Variants in BCAN observed in about 807,000 individuals in gnomAD.
BCAN encodes the protein brevican, also known as brevican core protein.
Under a neutral mutation model 92.4 loss-of-function variants are expected in BCAN, and 51 were observed. The ratio of observed to expected loss-of-function variants is 0.55; its 90% CI spans 0.44 to 0.70. The LOEUF (loss-of-function observed/expected upper bound fraction) is 0.70. Ranked by LOEUF, BCAN falls within the 30% of genes least tolerant of loss-of-function variation. BCAN has a pLI of 0.00. For synonymous variants in BCAN, 501 were observed against 505.2 expected, an observed-to-expected ratio of 0.99 and a Z score of 0.11; for missense variants, 1,140 against 1,212.1, an observed-to-expected ratio of 0.94 and a Z score of 0.88.
chr1:156,652,207 A>G (rs917386160), intron 7 of BCAN, 41 bp from the exon 8 acceptor site: 3 of 1,540,440 alleles, frequency 1.9e-6, no homozygotes, highest in Non-Finnish European at 2.6e-6. Flanking sequence ...GTCCTTGGAC[A>G]GACGCTGTCC....
Position 156,647,956 on chromosome 1 carries a change from C to T in BCAN, c.642-27C>T, listed in dbSNP as rs1411378767. 1 of 1,611,962 alleles carries T rather than the reference C, an allele frequency of 6.2e-7. No homozygotes were observed. The highest frequency in any genetic ancestry group is 1.7e-5 in the Admixed American group (1 of 59,960). ...TGGCTCCCTGGTGAAAGCATCTGTA[C>T]TAAGTGATTCTGTCCTTCCTCCCTA... On this transcript the variant is annotated intron_variant, in intron 4 of 13. Transcript: ENST00000329117. This position sits in a 1 kb window ranked among gnomAD's most constrained non-coding sequence, Gnocchi z 4.8.
intron 8 of BCAN, 183 bp downstream of exon 8, chr1:156,653,075 T>A: frequency 2.0e-5 from 30 of 1,472,030 alleles, no homozygotes; most frequent in Non-Finnish European, 2.6e-5. Context: ...ACCTTGTGGG[T>A]ATCTCAGCTC....
Position 156,648,665 on chromosome 1 carries a change from A to G in BCAN, c.867A>G (p.Gln289=). The change falls in exon 6 of 14, where the codon CAA becomes CAG. Residue 289 remains glutamine, a synonymous_variant. Transcript: ENST00000329117. ...ERGAEIATTG[Q]LYAAWDGGLD... ...GTGCAGAGATTGCCACCACGGGCCA[A>G]CTGTATGCAGCCTGGGATGGTGGCC... is the stretch of plus-strand genomic sequence containing the variant. The G allele has an allele frequency of 1.9e-6, 3 of 1,613,610 alleles. No homozygotes were observed. Among genetic ancestry groups the G allele is most frequent in the Non-Finnish European group, 2.5e-6 (3 of 1,179,556 alleles).
chr1:156,643,635 C>CAGTGAGAGAGAGAGAG (rs1678866525), intron 1 of BCAN: 1 of 103,782 alleles, frequency 9.6e-6, no homozygotes, highest in Non-Finnish European at 2.0e-5. Flanking sequence ...CACACACACA[C>CAGTGAGAGAGAGAGAG]AGAGAGAGAG....
At chr1:156,656,858 T>C (rs1571452014) in intron 9 of BCAN, 80 bp from the exon 10 acceptor site, 1 of 1,554,422 alleles carries the variant, frequency 6.4e-7, no homozygotes, top group Non-Finnish European at 8.7e-7. Flanking sequence ...CCTGCGGTAG[T>C]GGAAGGAGAC....
In BCAN at chr1:156,647,022, C is replaced by T; in HGVS notation, c.313C>T (p.Arg105Trp). The T allele has an allele frequency of 1.2e-6, 2 of 1,612,796 alleles. No individual in the cohort carries two copies. The highest frequency in any genetic ancestry group is 1.7e-6 in the Non-Finnish European group (2 of 1,179,414). ...GVRVKVNEAY[R>W]FRVALPAYPA... ...GCGCGTCAAGGTGAACGAGGCCTACCGGTTCCGCGTGGCACTGCCTGCGTA... is the reference window on the plus strand; with the variant it reads ...GCGCGTCAAGGTGAACGAGGCCTACTGGTTCCGCGTGGCACTGCCTGCGTA... The change falls in exon 3 of 14, where the codon CGG becomes TGG. Residue 105 changes from arginine to tryptophan, a missense_variant. Arg to Trp is a moderately radical substitution (Grantham distance 101). Around this residue, in one of 3 missense-constraint regions of BCAN, gnomAD observed 286 missense variants for 284.1 expected, o/e 1.01. Coordinates refer to ENST00000329117, the MANE Select transcript of BCAN (RefSeq NM_021948.5). The surrounding 1 kb of genome is among the most constrained non-coding windows in gnomAD (Gnocchi z 4.8).
At position 156,647,478 on chromosome 1, in the gene BCAN, C is replaced by T; in HGVS notation, c.467-30C>T. The T allele has an allele frequency of 1.3e-6, 2 of 1,527,228 alleles. No homozygotes were observed. Among genetic ancestry groups the T allele is most frequent in the Non-Finnish European group, 1.8e-6 (2 of 1,138,942 alleles). 94.6% of individuals were successfully genotyped at this position (1,527,228 alleles called of 1,614,324 possible). A position where few individuals can be genotyped will look rare whatever the true frequency, so the allele number is the denominator to read the frequency against. On this transcript the variant is annotated intron_variant, in intron 3 of 13. Transcript: ENST00000329117. This position sits in a 1 kb window ranked among gnomAD's most constrained non-coding sequence, Gnocchi z 4.8. ...GGGAGGCCAGCGTGCTGGGTGCTCA[C>T]CTGGCTCAGGGGTCCTCTCTGCCCC...
In BCAN at chr1:156,658,045, C is replaced by G. The variant is rs1679396087; in HGVS notation, c.2293-82C>G. 3 of 1,521,662 alleles carry G rather than the reference C, an allele frequency of 2.0e-6. No individual in the cohort carries two copies. In the African/African-American group the frequency reaches 4.1e-5, roughly 21 times the overall value. The allele number at this position is 1,521,662 out of a possible 1,614,324, so 94.3% of individuals were successfully genotyped here. A position where few individuals can be genotyped will look rare whatever the true frequency, so the allele number is the denominator to read the frequency against. On this transcript the variant is annotated intron_variant, in intron 11 of 13. Coordinates refer to ENST00000329117, the MANE Select transcript of BCAN (RefSeq NM_021948.5). This position sits in a 1 kb window ranked among gnomAD's most constrained non-coding sequence, Gnocchi z 4.4. ...TTCCCTCTCCTGGGGCCCCGCTCAC[C>G]AGCCCTCCTCCCCAGATCCTCTAGG...
At chr1:156,655,717 C>T (rs1679301702) in intron 8 of BCAN, among the ~76,000 whole-genome samples, 1 of 152,142 alleles carries the variant, frequency 6.6e-6, no homozygotes, top group Non-Finnish European at 1.5e-5. Context: ...ACCTGGACCA[C>T]ACCAATATCA....
intron 8 of BCAN, chr1:156,653,201 C>T: frequency 7.4e-7 from 1 of 1,350,214 alleles, no homozygotes. Context: ...CATCCTCAGG[C>T]CTCTCCAAGG....
At chr1:156,655,013 C>A (rs1417952458) in intron 8 of BCAN, among the ~76,000 whole-genome samples, 1 of 152,252 alleles carries the variant, frequency 6.6e-6, no homozygotes. Flanking sequence ...GGACCTGTGG[C>A]CAGGCCAGCG....
intron 6 of BCAN, chr1:156,649,793 AAG>A (rs1421471701): frequency 2.0e-6 from 1 of 496,308 alleles, no homozygotes; most frequent in East Asian, 5.5e-5. Flanking sequence ...GACCGACAAT[AAG>A]AGAGGCATTG....
chr1:156,653,021 T>C, intron 8 of BCAN, 129 bp downstream of exon 8: 2 of 1,520,264 alleles, frequency 1.3e-6, no homozygotes, highest in Admixed American at 4.1e-5. Context: ...TTGCCTTCAT[T>C]CTCTTACCCA....
At chr1:156,651,192 T>C (rs1365660610) in intron 6 of BCAN, among the ~76,000 whole-genome samples, 1 of 152,236 alleles carries the variant, frequency 6.6e-6, no homozygotes, top group Non-Finnish European at 1.5e-5. Flanking sequence ...TTCTAGAATA[T>C]AATTTCCCTT....
At chr1:156,645,649 A>C (rs1678937153) in intron 1 of BCAN, among the ~76,000 whole-genome samples, 1 of 152,166 alleles carries the variant, frequency 6.6e-6, no homozygotes, top group African/African-American at 2.4e-5. Context: ...AAGAGCACCC[A>C]CCATTCATGC....
At chr1:156,657,211 G>GCATT (rs1477037501) in intron 10 of BCAN, 115 bp downstream of exon 10, 2 of 1,314,512 alleles carry the variant, frequency 1.5e-6, no homozygotes, top group African/African-American at 1.5e-5. Flanking sequence ...TCTCAAGCGT[G>GCATT]CATTCCCTCA....
rs1306101785 is a variant in BCAN at position 156,656,989 on chromosome 1, A to T, written c.2102A>T (p.Lys701Met). ...GWDAFQGACY[K>M]HFSTRRSWEE... ...GACGCCTTCCAGGGCGCCTGCTACA[A>T]GCACTTTTCCACACGAAGGAGCTGG... Residue 701 changes from lysine (K) to methionine (M), a missense_variant, in exon 10 of 14, where the codon AAG becomes ATG. By Grantham distance (95) the Lys-to-Met change is moderately conservative. Transcript: ENST00000329117. 1.2e-6 allele frequency: 2 copies of T among 1,614,148 alleles called. No homozygotes were observed. Among genetic ancestry groups the T allele is most frequent in the Non-Finnish European group, 1.7e-6 (2 of 1,180,000 alleles).
At chr1:156,643,035 G>T (rs1426269608) in intron 1 of BCAN, 1 of 152,160 alleles carries the variant, frequency 6.6e-6, no homozygotes, top group African/African-American at 2.4e-5. Context: ...TATCCTGTCA[G>T]GTATTCCCCC....
At chr1:156,644,945 GCT>G (rs1016023184) in intron 1 of BCAN, 3 of 152,240 alleles carry the variant, frequency 2.0e-5, no homozygotes, top group African/African-American at 4.8e-5. Flanking sequence ...AGATGATGTA[GCT>G]CTGAGTCTTC....
Sources: allele counts gnomAD v4.1 joint callset (sites outside exome capture counted in the v4.1 genomes callset), GRCh38; gene constraint gnomAD v4.1.1; regional missense constraint gnomAD v4.1.1; non-coding constraint Gnocchi (gnomAD v3.1); transcripts MANE v1.5; gene names NCBI Gene and HGNC (gene_info 2026-07-23, HGNC 2026-07-21).